The following GRIK2 variants were observed in gnomAD, a reference collection of about 807,000 sequenced individuals.
GRIK2 encodes glutamate ionotropic receptor kainate type subunit 2, also known as glutamate receptor ionotropic, kainate 2.
Under a neutral mutation model 100.3 loss-of-function variants are expected in GRIK2, and 32 were observed. That is an observed-to-expected ratio of 0.32 (90% CI 0.24 to 0.43). GRIK2 has a LOEUF of 0.43. Ranked by LOEUF, GRIK2 falls within the 20% of genes least tolerant of loss-of-function variation. GRIK2 has a pLI of 1.00. For synonymous variants in GRIK2, 417 were observed against 389.4 expected, an observed-to-expected ratio of 1.07 and a Z score of -0.83; for missense variants, 843 against 1,114.9, an observed-to-expected ratio of 0.76 and a Z score of 3.47.
chr6:101,972,237 C>T (rs79425504), intron 14 of GRIK2, among the ~76,000 whole-genome samples: 36 of 152,040 alleles, frequency 2.4e-4, no homozygotes, highest in African/African-American at 8.7e-4. Flanking sequence ...ATAAGCATTC[C>T]TATTTCTCCC....
intron 2 of GRIK2, among the ~76,000 whole-genome samples, chr6:101,592,809 T>A (rs1207998356): frequency 6.6e-6 from 1 of 151,252 alleles, no homozygotes; most frequent in African/African-American, 2.4e-5. Context: ...TGGCCACTGA[T>A]GTCTCATTGA....
chr6:102,024,556 A>T (rs1235624732), intron 14 of GRIK2, among the ~76,000 whole-genome samples: 2 of 151,282 alleles, frequency 1.3e-5, no homozygotes, highest in African/African-American at 4.8e-5. Context: ...TTCGAACCTT[A>T]AAAGAACAGG....
At chr6:101,551,785 C>A (rs972434056) in intron 2 of GRIK2, among the ~76,000 whole-genome samples, 2 of 152,122 alleles carry the variant, frequency 1.3e-5, no homozygotes, top group Non-Finnish European at 2.9e-5. Flanking sequence ...TCACTTTGCT[C>A]GTTTTCATTC....
chr6:101,621,955 T>A lies in GRIK2; in HGVS notation c.122T>A (p.Ile41Asn). ...TTCTCTTTCTTTTTGCCAGGTGGTA[T>A]TTTTGAATATGTGGAATCTGGCCCA... is the stretch of plus-strand genomic sequence containing the variant. ...GTTHVLRFGGIFEYVESGPMG... is the reference protein window; with the variant it reads ...GTTHVLRFGGNFEYVESGPMG... The change falls in exon 3 of 17, where the codon ATT becomes AAT. Residue 41 changes from isoleucine to asparagine, a missense_variant. Ile to Asn is a moderately radical substitution (Grantham distance 149, BLOSUM62 -3). Coordinates refer to ENST00000369134, the MANE Select transcript of GRIK2 (RefSeq NM_021956.5). 1 of 1,601,606 alleles carries A rather than the reference T, an allele frequency of 6.2e-7. No homozygotes were observed. Among genetic ancestry groups the A allele is most frequent in the Non-Finnish European group, 8.5e-7 (1 of 1,169,640 alleles).
intron 2 of GRIK2, among the ~76,000 whole-genome samples, chr6:101,562,514 G>T (rs1777070817): frequency 6.6e-6 from 1 of 151,076 alleles, no homozygotes; most frequent in African/African-American, 2.4e-5. Context: ...AATTTTTGTA[G>T]TTTTTTTTAG....
rs186440871 is a variant in GRIK2, at chr6:101,877,508, G to A, written c.1525-12132G>A. Among the ~76,000 whole-genome samples the A allele has an allele frequency of 6.8e-4, 104 of 151,964 alleles. 1 individual carries two copies. The highest frequency in any genetic ancestry group is 1.1e-3 in the Non-Finnish European group (74 of 67,928). On this transcript the variant is annotated intron_variant, in intron 11 of 16. Transcript: ENST00000369134. ...ACTTCATATAAAGGATTTGAGCACC[G>A]ATGAATTTTGGTATTCGACAGGGGC...
At chr6:102,063,266 T>C (rs1771845243) in intron 16 of GRIK2, among the ~76,000 whole-genome samples, 1 of 150,616 alleles carries the variant, frequency 6.6e-6, no homozygotes, top group African/African-American at 2.4e-5. Flanking sequence ...TACTAAAATA[T>C]CATTTAGTTA....
chr6:101,512,717 T>G (rs1422720350), intron 2 of GRIK2, among the ~76,000 whole-genome samples: 1 of 152,060 alleles, frequency 6.6e-6, no homozygotes, highest in Non-Finnish European at 1.5e-5. Flanking sequence ...CATAAAATAA[T>G]CAGCAAAGCT....
chr6:101,602,647 A>C (rs1475225755), intron 2 of GRIK2, among the ~76,000 whole-genome samples: 2 of 151,552 alleles, frequency 1.3e-5, no homozygotes, highest in African/African-American at 4.8e-5. Flanking sequence ...CATTGGTTAT[A>C]TGACTTGCAG....
At chr6:101,843,917 T>A (rs1250696426) in intron 10 of GRIK2, among the ~76,000 whole-genome samples, 1 of 152,200 alleles carries the variant, frequency 6.6e-6, no homozygotes, top group African/African-American at 2.4e-5. Flanking sequence ...TACTTTTCTA[T>A]CTCTCTCATG....
intron 9 of GRIK2, among the ~76,000 whole-genome samples, chr6:101,815,659 A>G (rs1341887884): frequency 6.6e-6 from 1 of 152,028 alleles, no homozygotes; most frequent in African/African-American, 2.4e-5. Context: ...TGATCAAGTC[A>G]TATGACAAAA....
intron 2 of GRIK2, among the ~76,000 whole-genome samples, chr6:101,565,665 A>G (rs1777221231): frequency 6.6e-6 from 1 of 151,754 alleles, no homozygotes; most frequent in East Asian, 1.9e-4. Flanking sequence ...TAGGGATTAG[A>G]TTTAATCAAA....
chr6:101,943,580 G>T (rs544686694), intron 14 of GRIK2, among the ~76,000 whole-genome samples: 10 of 152,182 alleles, frequency 6.6e-5, no homozygotes, highest in Non-Finnish European at 1.5e-4. Context: ...CCCACCTCTT[G>T]CATCAGCATA....
chr6:101,895,641 G>A (rs536077115), intron 12 of GRIK2, among the ~76,000 whole-genome samples: 2 of 151,682 alleles, frequency 1.3e-5, no homozygotes, highest in Admixed American at 6.6e-5. Flanking sequence ...CTGTCAAAAC[G>A]ACTGTTGTCA....
intron 15 of GRIK2, among the ~76,000 whole-genome samples, chr6:102,049,599 T>C (rs1158685342): frequency 6.6e-6 from 1 of 152,264 alleles, no homozygotes; most frequent in East Asian, 1.9e-4. Flanking sequence ...GAGATATATT[T>C]GATATGTAGT....
chr6:101,735,257 G>T (rs1357311562), intron 7 of GRIK2, among the ~76,000 whole-genome samples: 1 of 152,172 alleles, frequency 6.6e-6, no homozygotes, highest in Non-Finnish European at 1.5e-5. Context: ...AAGGCACCCA[G>T]TATTTGATGG....
chr6:101,604,287 A>G (rs1204455570), intron 2 of GRIK2, among the ~76,000 whole-genome samples: 1 of 151,734 alleles, frequency 6.6e-6, no homozygotes, highest in Non-Finnish European at 1.5e-5. Flanking sequence ...TATAACATAT[A>G]ATATATAATT....
intron 4 of GRIK2, among the ~76,000 whole-genome samples, chr6:101,673,280 G>A (rs1770575505): frequency 6.6e-6 from 1 of 152,114 alleles, no homozygotes; most frequent in African/African-American, 2.4e-5. Flanking sequence ...CTAATCATTA[G>A]GGAAATGCAA....
intron 7 of GRIK2, among the ~76,000 whole-genome samples, chr6:101,773,359 A>C (rs1248745297): frequency 1.3e-5 from 2 of 151,912 alleles, no homozygotes; most frequent in African/African-American, 4.8e-5. Flanking sequence ...ACGCGCCTAT[A>C]GTCTCAGCTA....
Sources: allele counts gnomAD v4.1 joint callset (sites outside exome capture counted in the v4.1 genomes callset), GRCh38; gene constraint gnomAD v4.1.1; transcripts MANE v1.5; gene names NCBI Gene and HGNC (gene_info 2026-07-23, HGNC 2026-07-21).